The following RBM19 variants were observed in gnomAD, a reference collection of about 807,000 sequenced individuals.
The protein encoded by RBM19 is RNA binding motif protein 19.
RBM19 carries 94 observed loss-of-function variants against 116.8 expected under a neutral mutation model. The ratio of observed to expected loss-of-function variants is 0.80; its 90% CI spans 0.68 to 0.95. RBM19 has a LOEUF of 0.95. Among genes scored for constraint, RBM19 ranks in the 40% least tolerant of loss-of-function variants. The probability of loss-of-function intolerance (pLI) is 0.00; values close to 1 mark genes in which losing one functional copy is unlikely to be tolerated. For synonymous variants in RBM19, 475 were observed against 494.1 expected (o/e 0.96, Z 0.51); for missense variants, 1,161 against 1,220.7 (o/e 0.95, Z 0.73).
chr12:113,856,538 G>A (rs370575432), intron 22 of RBM19, among the ~76,000 whole-genome samples: 8 of 152,186 alleles, frequency 5.3e-5, no homozygotes, highest in South Asian at 2.1e-4. Flanking sequence ...GGGCTCCAAC[G>A]CCTTTGCTCT....
chr12:113,962,215 GA>G lies in RBM19; in HGVS notation c.219+16del, dbSNP rs757160798. Reference sequence around the variant, plus strand: ...ACACTTGACAGGAAGGTAAGGGTGAGACTCCTGCCCACTCACTGTGATCCGG... The same window carrying G: ...ACACTTGACAGGAAGGTAAGGGTGAGCTCCTGCCCACTCACTGTGATCCGG... On this transcript the variant is annotated intron_variant, in intron 2 of 23. Coordinates refer to ENST00000261741, the MANE Select transcript of RBM19 (RefSeq NM_016196.4). 1 of 1,612,942 alleles carries G rather than the reference GA, an allele frequency of 6.2e-7. No individual in the cohort carries two copies. The highest frequency in any genetic ancestry group is 1.1e-5 in the South Asian group (1 of 91,076).
chr12:113,854,803 G>A (rs770868451), intron 22 of RBM19, among the ~76,000 whole-genome samples: 1 of 152,200 alleles, frequency 6.6e-6, no homozygotes, highest in Non-Finnish European at 1.5e-5. Flanking sequence ...CTTCAGTGCT[G>A]GAGTTTAGCA....
intron 18 of RBM19, among the ~76,000 whole-genome samples, chr12:113,921,454 AAAG>A: frequency 6.6e-6 from 1 of 152,166 alleles, no homozygotes; most frequent in East Asian, 1.9e-4. Flanking sequence ...TTGTGAATTC[AAAG>A]AAGATTCCCT....
chr12:113,944,093 G>GTTTTT (rs71433305), intron 13 of RBM19, among the ~76,000 whole-genome samples: 753 of 67,610 alleles, frequency 0.011, 50 homozygotes, highest in African/African-American at 0.045. Context: ...CCAGATGCAT[G>GTTTTT]TTTTTTTTTT....
At chr12:113,857,514 C>G (rs977332135) in intron 22 of RBM19, among the ~76,000 whole-genome samples, 33 of 152,244 alleles carry the variant, frequency 2.2e-4, no homozygotes, top group African/African-American at 7.5e-4. Context: ...CAGGGCACCA[C>G]GTGCCTGCCC....
chr12:113,899,004 A>G (rs1042690896), intron 21 of RBM19, among the ~76,000 whole-genome samples: 6 of 152,254 alleles, frequency 3.9e-5, no homozygotes, highest in Non-Finnish European at 8.8e-5. Context: ...GTTAAATAAC[A>G]TAATAATAAA....
chr12:113,840,002 C>T (rs369892519), intron 23 of RBM19, among the ~76,000 whole-genome samples: 9 of 152,258 alleles, frequency 5.9e-5, no homozygotes, highest in Admixed American at 6.5e-5. Flanking sequence ...CAGACACAAA[C>T]GCAATTACCA....
chr12:113,867,442 T>C (rs905067691), intron 21 of RBM19, among the ~76,000 whole-genome samples: 1 of 152,182 alleles, frequency 6.6e-6, no homozygotes, highest in African/African-American at 2.4e-5. Context: ...CCTGATGTGC[T>C]CCGGCCTCCA....
intron 21 of RBM19, among the ~76,000 whole-genome samples, chr12:113,899,898 C>A (rs1185817770): frequency 1.3e-5 from 2 of 152,134 alleles, no homozygotes; most frequent in South Asian, 4.2e-4. Context: ...CCAGACAAAG[C>A]ACAGAGACCT....
chr12:113,956,857 A>T (rs143453235), intron 6 of RBM19, among the ~76,000 whole-genome samples: 2 of 152,232 alleles, frequency 1.3e-5, no homozygotes, highest in African/African-American at 4.8e-5. Flanking sequence ...CTGTTTCCTC[A>T]TCTGTAAAAT....
chr12:113,944,996 G>A (rs1451610865), intron 13 of RBM19, among the ~76,000 whole-genome samples: 1 of 152,038 alleles, frequency 6.6e-6, no homozygotes, highest in Non-Finnish European at 1.5e-5. Context: ...GAATACAAAA[G>A]AGCAGATATG....
At chr12:113,829,724 T>C (rs1875197674) in intron 23 of RBM19, among the ~76,000 whole-genome samples, 1 of 152,114 alleles carries the variant, frequency 6.6e-6, no homozygotes, top group African/African-American at 2.4e-5. Flanking sequence ...CAGGACACAG[T>C]AGTAGCACCC....
At chr12:113,864,853 T>C (rs964383789) in intron 21 of RBM19, among the ~76,000 whole-genome samples, 22 of 152,192 alleles carry the variant, frequency 1.4e-4, no homozygotes, top group Admixed American at 1.4e-3. Flanking sequence ...CAATGGGTAC[T>C]AGTGCCCCAA....
At chr12:113,862,285 A>AT (rs990296173) in intron 21 of RBM19, among the ~76,000 whole-genome samples, 1 of 152,206 alleles carries the variant, frequency 6.6e-6, no homozygotes, top group Non-Finnish European at 1.5e-5. Context: ...CCCATGTCTC[A>AT]TGGCCCCAGG....
intron 21 of RBM19, among the ~76,000 whole-genome samples, chr12:113,873,868 T>A (rs1231222827): frequency 6.6e-6 from 1 of 152,096 alleles, no homozygotes. Context: ...ATGAGCTGAG[T>A]TACACGTGTC....
chr12:113,858,835 T>C lies in RBM19; in HGVS notation c.2620A>G (p.Arg874Gly). The C allele has an allele frequency of 6.2e-7, 1 of 1,614,180 alleles. No individual in the cohort carries two copies. Among genetic ancestry groups the C allele is most frequent in the Non-Finnish European group, 8.5e-7 (1 of 1,180,032 alleles). ...AGGAAGTCCACAAAGCCGAAGCCTC[T>C]GTGTGTGCCTGTCCCAGTCATCTTC... ...PKKMTGTGTHRGFGFVDFLTK... is the reference protein window; with the variant it reads ...PKKMTGTGTHGGFGFVDFLTK... The change falls in exon 22 of 24, where the codon AGA becomes GGA. Residue 874 changes from arginine to glycine, a missense_variant. Coordinates refer to ENST00000261741, the MANE Select transcript of RBM19 (RefSeq NM_016196.4).
At chr12:113,868,014 G>A (rs1321208147) in intron 21 of RBM19, among the ~76,000 whole-genome samples, 2 of 152,162 alleles carry the variant, frequency 1.3e-5, no homozygotes, top group African/African-American at 4.8e-5. Flanking sequence ...TTTTTCTCCT[G>A]TTCCATCGCA....
At chr12:113,853,364 T>C (rs981156556) in intron 22 of RBM19, among the ~76,000 whole-genome samples, 3 of 152,224 alleles carry the variant, frequency 2.0e-5, no homozygotes, top group Admixed American at 6.5e-5. Context: ...AGCCAACACA[T>C]TGCTCTGCTA....
intron 22 of RBM19, among the ~76,000 whole-genome samples, chr12:113,852,048 CA>C (rs10570726): frequency 0.36 from 53,510 of 148,586 alleles, 10,274 homozygotes; most frequent in East Asian, 0.72. Flanking sequence ...GAGATTGTCT[CA>C]AAAAAAAAAA....
Sources: allele counts gnomAD v4.1 joint callset (sites outside exome capture counted in the v4.1 genomes callset), GRCh38; gene constraint gnomAD v4.1.1; transcripts MANE v1.5; gene names NCBI Gene and HGNC (gene_info 2026-07-23, HGNC 2026-07-21).